FOXP2: variants seen among roughly 807,000 people sequenced by gnomAD.
FOXP2 encodes the protein forkhead box protein P2.
FOXP2 carries 12 observed loss-of-function variants against 115.8 expected under a neutral mutation model. The observed-to-expected ratio is 0.10, with a 90% CI of 0.07 to 0.17. The LOEUF is 0.17. FOXP2 is among the 10% of genes least tolerant of loss of function. The pLI is 1.00. For synonymous variants in FOXP2, 328 were observed against 297.7 expected (o/e 1.10, Z -1.05); for missense variants, 629 against 843.5 (o/e 0.75, Z 3.15).
intron 7 of FOXP2, among the ~76,000 whole-genome samples, chr7:114,643,436 T>C (rs1446300869): frequency 6.6e-6 from 1 of 152,296 alleles, no homozygotes; most frequent in East Asian, 1.9e-4. Context: ...TTTTTAATTG[T>C]TGCATGATGA....
At chr7:114,181,801 TAAG>T (rs1194594632) in intron 1 of FOXP2, among the ~76,000 whole-genome samples, 3 of 152,084 alleles carry the variant, frequency 2.0e-5, no homozygotes, top group African/African-American at 7.2e-5. Context: ...GGATAAATGA[TAAG>T]AAGTGACTTA....
intron 3 of FOXP2, among the ~76,000 whole-genome samples, chr7:114,610,245 G>A (rs1448645655): frequency 6.6e-6 from 1 of 152,156 alleles, no homozygotes; most frequent in Non-Finnish European, 1.5e-5. Context: ...CTACACCATT[G>A]CAACTGAAAT....
chr7:114,334,948 TA>T, intron 2 of FOXP2, among the ~76,000 whole-genome samples: 1 of 143,452 alleles, frequency 7.0e-6, no homozygotes, highest in African/African-American at 2.6e-5. Context: ...TATATATATA[TA>T]TATATATATA....
rs562758088 is a variant in FOXP2 at position 114,603,343 on chromosome 7, G to T, written c.259-25197G>T. On this transcript the variant is annotated intron_variant, in intron 3 of 16. Transcript: ENST00000350908. ...AAATCTTACAGCCATGCTTATTTGGGTATTAAATTACTTTCCCAAACTGGA... is the reference window on the plus strand; with the variant it reads ...AAATCTTACAGCCATGCTTATTTGGTTATTAAATTACTTTCCCAAACTGGA... 8.5e-5 allele frequency among the ~76,000 whole-genome samples: 13 copies of T among 152,264 alleles called. No individual in the cohort carries two copies. The South Asian group carries it at 2.7e-3, about 32-fold the overall frequency.
At chr7:114,205,697 G>T (rs1465027185) in intron 1 of FOXP2, among the ~76,000 whole-genome samples, 2 of 152,086 alleles carry the variant, frequency 1.3e-5, no homozygotes, top group Non-Finnish European at 2.9e-5. Flanking sequence ...AAGCAGAATT[G>T]GGGAGAGGGA....
In FOXP2 at chr7:114,120,526, G is replaced by A. The variant is rs79936746; in HGVS notation, c.-247+32688G>A. Among the ~76,000 whole-genome samples, 849 of 152,170 alleles carry A rather than the reference G, an allele frequency of 5.6e-3. 8 individuals carry two copies. Among genetic ancestry groups the A allele is most frequent in the African/African-American group, 0.018 (757 of 41,546 alleles). ...GAAGCTGCCACAGTAATCCATGTGA[G>A]CAAAATGAAGGACTTGAACTAGAAA... On this transcript the variant is annotated intron_variant, in intron 1 of 19. Coordinates refer to the FOXP2 transcript ENST00000635638.
chr7:114,492,745 G>A (rs1797125523), intron 2 of FOXP2, among the ~76,000 whole-genome samples: 1 of 152,252 alleles, frequency 6.6e-6, no homozygotes, highest in East Asian at 1.9e-4. Flanking sequence ...TTAATACTGA[G>A]TTCTAGTTTG....
intron 2 of FOXP2, among the ~76,000 whole-genome samples, chr7:114,487,725 G>C (rs181571610): frequency 1.2e-4 from 18 of 152,262 alleles, no homozygotes; most frequent in Non-Finnish European, 1.8e-4. Flanking sequence ...CCTTGCTAAA[G>C]CACAGCAAGA....
intron 2 of FOXP2, among the ~76,000 whole-genome samples, chr7:114,336,753 A>G (rs987349533): frequency 3.3e-5 from 5 of 151,578 alleles, no homozygotes; most frequent in Admixed American, 1.3e-4. Context: ...AGAAGAGAAA[A>G]TATACACTAC....
chr7:114,514,930 A>G (rs1161135263), intron 2 of FOXP2, among the ~76,000 whole-genome samples: 1 of 142,098 alleles, frequency 7.0e-6, no homozygotes, highest in East Asian at 2.0e-4. Flanking sequence ...ATGTGTTCTC[A>G]TTGTTCAATT....
chr7:114,366,908 T>C (rs1299391173), intron 2 of FOXP2, among the ~76,000 whole-genome samples: 1 of 152,118 alleles, frequency 6.6e-6, no homozygotes, highest in African/African-American at 2.4e-5. Context: ...CTTTAAAGCA[T>C]TATTAGCATT....
intron 13 of FOXP2, chr7:114,661,836 A>G (rs1009205609): frequency 4.1e-6 from 2 of 487,404 alleles, no homozygotes; most frequent in African/African-American, 3.9e-5. Context: ...GTTTTGACAC[A>G]GCTATTATTA....
chr7:114,652,414 T>A (rs1806318684), intron 9 of FOXP2, 124 bp downstream of exon 9: 1 of 795,066 alleles, frequency 1.3e-6, no homozygotes, highest in South Asian at 1.5e-5. Context: ...CTAATGGAGA[T>A]ACATGATATT....
At chr7:114,646,060 TAAAA>T (rs57137258) in intron 8 of FOXP2, among the ~76,000 whole-genome samples, 1 of 85,662 alleles carries the variant, frequency 1.2e-5, no homozygotes, top group Non-Finnish European at 2.3e-5. Flanking sequence ...TTTTCTTCTC[TAAAA>T]AAAAAAAAAA....
intron 1 of FOXP2, among the ~76,000 whole-genome samples, chr7:114,252,661 C>T (rs61925868): frequency 0.01 from 1,576 of 151,828 alleles, 30 homozygotes; most frequent in African/African-American, 0.033. Flanking sequence ...TTTTTTATTA[C>T]GTCTATTTGA....
intron 2 of FOXP2, among the ~76,000 whole-genome samples, chr7:114,388,955 C>A (rs751214966): frequency 6.6e-6 from 1 of 152,104 alleles, no homozygotes; most frequent in South Asian, 2.1e-4. Context: ...TAAGTTAGGA[C>A]GTTGAATATT....
At chr7:114,378,684 C>CAAAAAAAAAAAAAAAAAAAAAAAAAAAAA (rs398005920) in intron 2 of FOXP2, among the ~76,000 whole-genome samples, 5 of 18,094 alleles carry the variant, frequency 2.8e-4, no homozygotes, top group African/African-American at 3.8e-4. Context: ...ACCCTGTCTC[C>CAAAAAAAAAAAAAAAAAAAAAAAAAAAAA]AAAAAAAAAA....
At chr7:114,479,239 G>T (rs1160530708) in intron 2 of FOXP2, among the ~76,000 whole-genome samples, 3 of 151,624 alleles carry the variant, frequency 2.0e-5, no homozygotes, top group East Asian at 1.9e-4. Flanking sequence ...TGGAGTGCAG[G>T]CTTTTTGTAA....
At chr7:114,533,041 C>G (rs117189408) in intron 2 of FOXP2, among the ~76,000 whole-genome samples, 2 of 151,754 alleles carry the variant, frequency 1.3e-5, no homozygotes, top group African/African-American at 4.8e-5. Flanking sequence ...TAATAAATAG[C>G]CTGAGTTCAC....
Sources: allele counts gnomAD v4.1 joint callset (sites outside exome capture counted in the v4.1 genomes callset), GRCh38; gene constraint gnomAD v4.1.1; transcripts MANE v1.5; gene names NCBI Gene and HGNC (gene_info 2026-07-23, HGNC 2026-07-21).